The following CCDC149 variants were observed in gnomAD, a reference collection of about 807,000 sequenced individuals.
CCDC149 encodes the protein coiled-coil domain containing 149.
A neutral mutation model predicts 59.9 loss-of-function variants in CCDC149; 45 were observed. The ratio of observed to expected loss-of-function variants is 0.75; its 90% CI spans 0.59 to 0.96. The LOEUF is 0.96. Among genes scored for constraint, CCDC149 ranks in the 40% least tolerant of loss-of-function variants. The pLI is 0.00. For missense variants in CCDC149, 584 were observed against 664.7 expected (o/e 0.88, Z 1.33); for synonymous variants, 245 against 260.6 (o/e 0.94, Z 0.58).
intron 12 of CCDC149, among the ~76,000 whole-genome samples, chr4:24,814,304 G>T (rs1460538136): frequency 2.0e-5 from 3 of 152,194 alleles, no homozygotes; most frequent in Admixed American, 2.0e-4. Context: ...TGTTCAGCCA[G>T]GATAAGGTAT....
chr4:24,870,330 C>T (rs956236425), intron 3 of CCDC149, among the ~76,000 whole-genome samples: 10 of 152,184 alleles, frequency 6.6e-5, no homozygotes, highest in South Asian at 2.1e-4. Flanking sequence ...CTTCATGAAG[C>T]CATAAACCAT....
At chr4:24,894,387 A>G (rs1009574269) in intron 1 of CCDC149, among the ~76,000 whole-genome samples, 5 of 152,158 alleles carry the variant, frequency 3.3e-5, no homozygotes, top group African/African-American at 1.2e-4. Flanking sequence ...GAAGAGAGGC[A>G]GGTTTCCAAG....
At chr4:24,854,660 A>G (rs1382824744) in intron 3 of CCDC149, among the ~76,000 whole-genome samples, 1 of 152,208 alleles carries the variant, frequency 6.6e-6, no homozygotes, top group African/African-American at 2.4e-5. Context: ...TATGGTGGGT[A>G]CTAAAAACAG....
intron 3 of CCDC149, among the ~76,000 whole-genome samples, chr4:24,860,322 A>C (rs1404816515): frequency 6.6e-6 from 1 of 152,188 alleles, no homozygotes; most frequent in Non-Finnish European, 1.5e-5. Flanking sequence ...TCAACAAAGA[A>C]AACAAAAACA....
intron 4 of CCDC149, among the ~76,000 whole-genome samples, chr4:24,839,189 T>C (rs1716767309): frequency 6.6e-6 from 1 of 151,992 alleles, no homozygotes. Flanking sequence ...TAACTTTTTT[T>C]TTTTTTTTGA....
intron 9 of CCDC149, chr4:24,830,809 CCTAA>C (rs1716095029): frequency 2.6e-5 from 4 of 152,210 alleles, no homozygotes; most frequent in African/African-American, 9.7e-5. Flanking sequence ...GAAGATCAGA[CCTAA>C]TGTGGGGTCC....
At chr4:24,822,684 C>G in intron 9 of CCDC149, 111 bp from the exon 10 acceptor site, 1 of 643,136 alleles carries the variant, frequency 1.6e-6, no homozygotes, top group Non-Finnish European at 2.6e-6. Flanking sequence ...ATGATATATG[C>G]AAAAAATGGA....
At chr4:24,956,855 T>C (rs1723481363) in intron 1 of CCDC149, among the ~76,000 whole-genome samples, 1 of 152,220 alleles carries the variant, frequency 6.6e-6, no homozygotes, top group Non-Finnish European at 1.5e-5. Flanking sequence ...AGAAAGTGTA[T>C]ACAATCTAAT....
intron 4 of CCDC149, among the ~76,000 whole-genome samples, chr4:24,839,668 T>C (rs1023038737): frequency 3.9e-5 from 6 of 152,162 alleles, no homozygotes; most frequent in African/African-American, 1.4e-4. Flanking sequence ...ACCTTCCAGG[T>C]GGGGCTGCAA....
intron 3 of CCDC149, among the ~76,000 whole-genome samples, chr4:24,871,079 G>C (rs914199514): frequency 2.0e-5 from 3 of 148,200 alleles, no homozygotes; most frequent in African/African-American, 7.4e-5. Context: ...TCTACATTTT[G>C]TTTAGAAAAA....
At position 24,888,721 on chromosome 4, in the gene CCDC149, T is replaced by C. The variant is rs945287562; in HGVS notation, c.64-12024A>G. 2.6e-5 allele frequency among the ~76,000 whole-genome samples: 4 copies of C among 152,178 alleles called. No homozygotes were observed. The East Asian group carries it at 7.7e-4, about 29-fold the overall frequency. On this transcript the variant is annotated intron_variant, in intron 1 of 12. Transcript: ENST00000635206. ...CCAGCCTGCGGCAATCCCTAAGCCCTGCAACATTAACACCCTCGCACCTTG... is the reference window on the plus strand; with the variant it reads ...CCAGCCTGCGGCAATCCCTAAGCCCCGCAACATTAACACCCTCGCACCTTG...
chr4:24,950,952 G>C (rs745956187), intron 1 of CCDC149, among the ~76,000 whole-genome samples: 1 of 152,170 alleles, frequency 6.6e-6, no homozygotes, highest in Non-Finnish European at 1.5e-5. Flanking sequence ...CTCAAATCTA[G>C]CATTTGGGAA....
At chr4:24,825,729 C>T (rs1320200461) in intron 9 of CCDC149, among the ~76,000 whole-genome samples, 1 of 150,706 alleles carries the variant, frequency 6.6e-6, no homozygotes, top group South Asian at 2.1e-4. Flanking sequence ...GCCGAGATAG[C>T]GCCACTGCAC....
chr4:24,944,148 C>A (rs953522327), intron 1 of CCDC149, among the ~76,000 whole-genome samples: 1 of 152,160 alleles, frequency 6.6e-6, no homozygotes, highest in Non-Finnish European at 1.5e-5. Flanking sequence ...TTGGAACCAA[C>A]CCAAATGTCC....
intron 1 of CCDC149, among the ~76,000 whole-genome samples, chr4:24,977,034 G>A (rs942978551): frequency 1.2e-4 from 19 of 152,292 alleles, no homozygotes; most frequent in Middle Eastern, 3.4e-3. Context: ...AGGCATGCAG[G>A]ATTGGCAGGG....
chr4:24,978,373 T>C (rs1724311865), intron 1 of CCDC149, among the ~76,000 whole-genome samples: 1 of 152,216 alleles, frequency 6.6e-6, no homozygotes, highest in East Asian at 1.9e-4. Flanking sequence ...ATAAAGTACA[T>C]TGTTAAAGTT....
At chr4:24,976,582 G>A (rs1360088547) in intron 1 of CCDC149, among the ~76,000 whole-genome samples, 1 of 152,094 alleles carries the variant, frequency 6.6e-6, no homozygotes, top group African/African-American at 2.4e-5. Context: ...GCATGGTGGT[G>A]CATGCCTGTA....
intron 9 of CCDC149, chr4:24,831,174 T>C (rs181187134): frequency 1.2e-3 from 225 of 184,178 alleles, no homozygotes; most frequent in Middle Eastern, 6.7e-3. Context: ...CTGAGGCAGT[T>C]TCTCCCCTAA....
At chr4:24,937,578 T>G (rs185605428) in intron 1 of CCDC149, among the ~76,000 whole-genome samples, 37 of 152,360 alleles carry the variant, frequency 2.4e-4, no homozygotes, top group African/African-American at 8.4e-4. Context: ...CTGTGCCATG[T>G]GGTCACTCAG....
Sources: allele counts gnomAD v4.1 joint callset (sites outside exome capture counted in the v4.1 genomes callset), GRCh38; gene constraint gnomAD v4.1.1; transcripts MANE v1.5; gene names NCBI Gene and HGNC (gene_info 2026-07-23, HGNC 2026-07-21).